Variants in TRPV6 observed in about 807,000 individuals in gnomAD.
The protein encoded by TRPV6 is Alu-binding protein with zinc finger domain.
In TRPV6, 39 loss-of-function variants were observed where a neutral mutation model predicts 79.0. The observed-to-expected ratio is 0.49, with a 90% CI of 0.38 to 0.64. TRPV6 has a LOEUF of 0.64. Among genes scored for constraint, TRPV6 ranks in the 30% least tolerant of loss-of-function variants. The pLI, the probability that TRPV6 is intolerant of heterozygous loss-of-function variation, is 0.00. For synonymous variants in TRPV6, 373 were observed against 391.9 expected (o/e 0.95, Z 0.57); for missense variants, 813 against 1,011.1 (o/e 0.80, Z 2.66).
chr7:142,885,541 G>T lies in TRPV6; in HGVS notation c.96C>A (p.Ala32=). The T allele has an allele frequency of 6.3e-7, 1 of 1,588,500 alleles. No homozygotes were observed. Among genetic ancestry groups the T allele is most frequent in the Non-Finnish European group, 8.6e-7 (1 of 1,165,794 alleles). ...TGGGGTGTAGGGCCGGCTCCTTGGG[G>T]GCCTGAGGCCGAGGCCAGACCCTGA... The change falls in exon 1 of 15, where the codon GCC becomes GCA. Residue 32 remains alanine, a synonymous_variant. Coordinates refer to ENST00000359396, the MANE Select transcript of TRPV6 (RefSeq NM_018646.6).
chr7:142,882,260 C>T (rs1031023189), intron 1 of TRPV6: 2 of 152,258 alleles, frequency 1.3e-5, no homozygotes, highest in Non-Finnish European at 2.9e-5. Flanking sequence ...GTTCATGGCC[C>T]CTCTCATTCC....
Position 142,877,691 on chromosome 7 carries a change from C to A in TRPV6, c.429G>T (p.Pro143=), listed in dbSNP as rs755718615. 1 of 1,614,188 alleles carries A rather than the reference C, an allele frequency of 6.2e-7. No individual in the cohort carries two copies. The highest frequency in any genetic ancestry group is 1.7e-5 in the Admixed American group (1 of 60,022). ...ATGTCATGGGCTCAAAGACCAGCTC[C>A]GGGGCAGCCTCCATCAGCACCATGG... The change falls in exon 3 of 15, where the codon CCG becomes CCT. Residue 143 remains proline (P), a synonymous_variant. Coordinates refer to ENST00000359396, the MANE Select transcript of TRPV6 (RefSeq NM_018646.6).
Position 142,876,535 on chromosome 7 carries a change from G to A in TRPV6, c.755C>T (p.Ala252Val), listed in dbSNP as rs1433938429. ...CAGCAACAGGTTGTACATCTGGCAG[G>A]CAAAGGTTTTGTTGGGCTGGAGGAT... The change falls in exon 6 of 15, where the codon GCC becomes GTC. Residue 252 changes from alanine (A) to valine (V), a missense_variant. Ala to Val is a moderately conservative substitution (Grantham distance 64, BLOSUM62 0). Around this residue, in one of 3 missense-constraint regions of TRPV6, gnomAD observed 555 missense variants for 631.0 expected, o/e 0.88. Transcript: ENST00000359396. 1 of 1,614,142 alleles carries A rather than the reference G, an allele frequency of 6.2e-7. No homozygotes were observed. Among genetic ancestry groups the A allele is most frequent in the Admixed American group, 1.7e-5 (1 of 60,032 alleles).
Position 142,876,813 on chromosome 7 carries a change from G to A in TRPV6, c.632C>T (p.Ala211Val). The A allele has an allele frequency of 6.2e-7, 1 of 1,614,114 alleles. No homozygotes were observed. The highest frequency in any genetic ancestry group is 1.1e-5 in the South Asian group (1 of 91,086). ...CACGATCTCCTCACTGTTCACACAGGCAGCAAAGGACAAAGGGTGCTCCCC... is the reference window on the plus strand; with the variant it reads ...CACGATCTCCTCACTGTTCACACAGACAGCAAAGGACAAAGGGTGCTCCCC... The change falls in exon 5 of 15, where the codon GCC becomes GTC. Residue 211 changes from alanine to valine, a missense_variant. This residue lies in a region of TRPV6 where 555 missense variants were observed against 631.0 expected (regional missense o/e 0.88). Coordinates refer to ENST00000359396, the MANE Select transcript of TRPV6 (RefSeq NM_018646.6).
chr7:142,875,301 A>G, intron 8 of TRPV6, 137 bp from the exon 9 acceptor site: 2 of 1,268,206 alleles, frequency 1.6e-6, no homozygotes, highest in South Asian at 1.3e-5. Context: ...CTCTGCTCTC[A>G]GAGTAAGAGC....
At position 142,873,896 on chromosome 7, in the gene TRPV6, G is replaced by T; in HGVS notation, c.1639+180C>A. ...TATGAGCCTCATCTTGATCCTAAGA[G>T]CCACCTCTCCCTAACACTCCCGATT... On this transcript the variant is annotated intron_variant, in intron 12 of 14. Coordinates refer to ENST00000359396, the MANE Select transcript of TRPV6 (RefSeq NM_018646.6). The surrounding 1 kb of genome is among the most constrained non-coding windows in gnomAD (Gnocchi z 4.8). 1 of 1,084,412 alleles carries T rather than the reference G, an allele frequency of 9.2e-7. No homozygotes were observed. The highest frequency in any genetic ancestry group is 1.3e-6 in the Non-Finnish European group (1 of 750,760). The allele number at this position is 1,084,412 out of a possible 1,614,324, so 67.2% of individuals were successfully genotyped here. A position where few individuals can be genotyped will look rare whatever the true frequency, so the allele number is the denominator to read the frequency against.
Position 142,871,750 on chromosome 7 carries a change from T to C in TRPV6, c.2255A>G (p.Asn752Ser). Residue 752 changes from asparagine to serine, a missense_variant, in exon 15 of 15, where the codon AAC becomes AGC. Coordinates refer to ENST00000359396, the MANE Select transcript of TRPV6 (RefSeq NM_018646.6). The stretch of plus-strand genomic sequence containing the variant: ...GCTCTCCCCGTCCTCCAGACCCCTG[T>C]TGATTATCCCACGCAGGTCTCTCCT... 6.2e-7 allele frequency: 1 copy of C among 1,613,462 alleles called. No individual in the cohort carries two copies. The highest frequency in any genetic ancestry group is 8.5e-7 in the Non-Finnish European group (1 of 1,179,504).
intron 11 of TRPV6, 137 bp downstream of exon 11, chr7:142,874,354 A>T: frequency 8.5e-6 from 11 of 1,297,016 alleles, no homozygotes; most frequent in Non-Finnish European, 1.2e-5. Flanking sequence ...AAGGATTGTT[A>T]AAAAAGAAGA....
At chr7:142,878,854 T>C (rs1236262373) in intron 1 of TRPV6, 1 of 152,218 alleles carries the variant, frequency 6.6e-6, no homozygotes, top group Non-Finnish European at 1.5e-5. Context: ...CCCTTCCACC[T>C]AGTGAATCCA....
chr7:142,884,930 C>G (rs1383378668), intron 1 of TRPV6: 1 of 152,804 alleles, frequency 6.5e-6, no homozygotes. Context: ...GTCCGCGGTT[C>G]TCTCTGCTTC....
Position 142,871,219 on chromosome 7 carries a change from A to G in TRPV6, c.*488T>C. On this transcript the variant is annotated 3_prime_UTR_variant, in exon 15 of 15. Coordinates refer to ENST00000359396, the MANE Select transcript of TRPV6 (RefSeq NM_018646.6). ...AAGGGCAGCTGGGCAGGGATCCGAA[A>G]ACGACTTTATTGAAGATGGAGTTGG... is the stretch of plus-strand genomic sequence containing the variant. The G allele has an allele frequency of 5.6e-6, 3 of 534,344 alleles. No homozygotes were observed. Among genetic ancestry groups the G allele is most frequent in the Middle Eastern group, 5.0e-4 (1 of 1,982 alleles). 33.1% of individuals were successfully genotyped at this position (534,344 alleles called of 1,614,324 possible). A position where few individuals can be genotyped will look rare whatever the true frequency, so the allele number is the denominator to read the frequency against.
chr7:142,876,206 C>T, intron 6 of TRPV6: 2 of 830,998 alleles, frequency 2.4e-6, no homozygotes, highest in Non-Finnish European at 3.7e-6. Flanking sequence ...GGGATCTAGA[C>T]TCTGTAACCC....
Position 142,873,918 on chromosome 7 carries a change from G to T in TRPV6, c.1639+158C>A. On this transcript the variant is annotated intron_variant, in intron 12 of 14. Coordinates refer to ENST00000359396, the MANE Select transcript of TRPV6 (RefSeq NM_018646.6). This position sits in a 1 kb window ranked among gnomAD's most constrained non-coding sequence, Gnocchi z 4.8. ...AGAGCCACCTCTCCCTAACACTCCCGATTTTTCTCACCTCTGGAGGACGTC... is the reference window on the plus strand; with the variant it reads ...AGAGCCACCTCTCCCTAACACTCCCTATTTTTCTCACCTCTGGAGGACGTC... 1 of 1,081,754 alleles carries T rather than the reference G, an allele frequency of 9.2e-7. No homozygotes were observed. Among genetic ancestry groups the T allele is most frequent in the South Asian group, 1.5e-5 (1 of 65,640 alleles). 67.0% of individuals were successfully genotyped at this position (1,081,754 alleles called of 1,614,324 possible).
chr7:142,882,935 T>C (rs1235057106), intron 1 of TRPV6: 1 of 152,132 alleles, frequency 6.6e-6, no homozygotes, highest in Non-Finnish European at 1.5e-5. Context: ...TCTATGAAGC[T>C]GCCCAGGACA....
At chr7:142,883,295 C>T (rs1187353409) in intron 1 of TRPV6, 1 of 152,192 alleles carries the variant, frequency 6.6e-6, no homozygotes, top group Non-Finnish European at 1.5e-5. Context: ...GTGCTAAGCA[C>T]CAAGAAACGT....
In TRPV6 at chr7:142,875,832, C is replaced by T. The variant is rs779469652; in HGVS notation, c.955G>A (p.Asp319Asn). 20 of 1,611,612 alleles carry T rather than the reference C, an allele frequency of 1.2e-5. No individual in the cohort carries two copies. The South Asian group carries it at 2.1e-4, about 17-fold the overall frequency. ...CCTGAGGAGTCGATCTCTGTGAGGT[C>T]ATAGAGAGTCGAGGTCAGTGGTCCA... The change falls in exon 7 of 15, where the codon GAC (aspartate) becomes AAC (asparagine). Residue 319 changes from aspartate (D) to asparagine (N), a missense_variant. Coordinates refer to ENST00000359396, the MANE Select transcript of TRPV6 (RefSeq NM_018646.6).
At chr7:142,883,259 AT>A (rs1413573326) in intron 1 of TRPV6, 1 of 152,208 alleles carries the variant, frequency 6.6e-6, no homozygotes, top group Non-Finnish European at 1.5e-5. Context: ...GATCCCAGCA[AT>A]GTAGATTTAA....
In TRPV6 at chr7:142,871,633, G is replaced by C; in HGVS notation, c.*74C>G. On this transcript the variant is annotated 3_prime_UTR_variant, in exon 15 of 15. Transcript: ENST00000359396. ...GGCCTGGGAGATGAGACCTCTGGGT[G>C]TTTGGTTTTTGTTTTGTTTGATGCA... is the stretch of plus-strand genomic sequence containing the variant. The C allele has an allele frequency of 6.6e-7, 1 of 1,519,820 alleles. No individual in the cohort carries two copies. The highest frequency in any genetic ancestry group is 1.8e-4 in the Middle Eastern group (1 of 5,638). The allele number at this position is 1,519,820 out of a possible 1,614,324, so 94.1% of individuals were successfully genotyped here. A position where few individuals can be genotyped will look rare whatever the true frequency, so the allele number is the denominator to read the frequency against.
chr7:142,877,052 G>T, intron 4 of TRPV6, 90 bp downstream of exon 4: 1 of 1,503,602 alleles, frequency 6.7e-7, no homozygotes, highest in Non-Finnish European at 8.9e-7. Context: ...CAACAGATAC[G>T]GCTGAAGACA....
Sources: allele counts gnomAD v4.1 joint callset, GRCh38; gene constraint gnomAD v4.1.1; regional missense constraint gnomAD v4.1.1; non-coding constraint Gnocchi (gnomAD v3.1); transcripts MANE v1.5; gene names NCBI Gene and HGNC (gene_info 2026-07-23, HGNC 2026-07-21).